PTCD3: variants seen among roughly 807,000 people sequenced by gnomAD.
The protein encoded by PTCD3 is pentatricopeptide repeat domain 3.
PTCD3 carries 89 observed loss-of-function variants against 101.9 expected under a neutral mutation model. The observed-to-expected ratio is 0.87, with a 90% CI of 0.74 to 1.04. The LOEUF (loss-of-function observed/expected upper bound fraction) is 1.04, where lower values mean the gene tolerates loss of function less well. Ranked by LOEUF, PTCD3 falls within the 50% of genes least tolerant of loss-of-function variation. PTCD3 has a pLI of 0.00. For missense variants in PTCD3, 870 were observed against 828.2 expected, an observed-to-expected ratio of 1.05 and a Z score of -0.62; for synonymous variants, 296 against 278.5, an observed-to-expected ratio of 1.06 and a Z score of -0.63.
chr2:86,116,537 C>T lies in PTCD3; in HGVS notation c.248C>T (p.Thr83Ile), dbSNP rs751475527. 3.7e-6 allele frequency: 6 copies of T among 1,607,992 alleles called. No individual in the cohort carries two copies. The East Asian group carries it at 1.1e-4, about 30-fold the overall frequency. The change falls in exon 5 of 24, where the codon ACA (threonine) becomes ATA (isoleucine). Residue 83 changes from threonine (T) to isoleucine (I), a missense_variant. Physicochemically the swap from Thr to Ile is moderately conservative, Grantham distance 89 (BLOSUM62 -1). Transcript: ENST00000254630. Reference protein sequence around the residue: ...ALASTVNRDTTAVPYVFQDDP... With the variant: ...ALASTVNRDTIAVPYVFQDDP... Reference sequence around the variant, plus strand: ...ATTATGTCTTTTCCACAGGATACCACAGCTGTGCCTTATGTGTTTCAAGAT... The same window carrying T: ...ATTATGTCTTTTCCACAGGATACCATAGCTGTGCCTTATGTGTTTCAAGAT...
In PTCD3 at chr2:86,106,360, C is replaced by CTAA. The variant is rs1403444863; in HGVS notation, c.104+9_104+10insTAA. The CTAA allele has an allele frequency of 6.2e-7, 1 of 1,612,084 alleles. No homozygotes were observed. The highest frequency in any genetic ancestry group is 8.5e-7 in the Non-Finnish European group (1 of 1,178,918). ...CAGGCACGCAGCTGCAGGTAAGAGA[C>CTAA]GCTTAGGGTATCCGCGAAGAAGACC... On this transcript the variant is annotated intron_variant, in intron 1 of 23. Coordinates refer to ENST00000254630, the MANE Select transcript of PTCD3 (RefSeq NM_017952.6).
intron 6 of PTCD3, 59 bp from the exon 7 acceptor site, chr2:86,118,862 A>G: frequency 1.9e-6 from 3 of 1,559,508 alleles, no homozygotes; most frequent in East Asian, 4.5e-5. Flanking sequence ...TGTCCTACTC[A>G]GTTATCCTTC....
chr2:86,106,407 G>T, intron 1 of PTCD3, 56 bp downstream of exon 1: 1 of 1,543,772 alleles, frequency 6.5e-7, no homozygotes, highest in Non-Finnish European at 8.9e-7. Context: ...TTAGTCCTAT[G>T]TTTCCCAGCT....
intron 3 of PTCD3, 119 bp downstream of exon 3, chr2:86,108,655 G>C: frequency 2.0e-6 from 2 of 1,009,408 alleles, no homozygotes; most frequent in Non-Finnish European, 2.8e-6. Flanking sequence ...CTTGAAGAGA[G>C]TAGCTGAGCG....
chr2:86,137,210 C>T (rs1674602717), intron 23 of PTCD3, 70 bp downstream of exon 23: 1 of 1,468,358 alleles, frequency 6.8e-7, no homozygotes, highest in Admixed American at 2.3e-5. Context: ...TCAAAATGTT[C>T]ATAGCTTTCT....
rs1167759517 is a variant in PTCD3 at position 86,137,699 on chromosome 2, C to T, written c.*140C>T. On this transcript the variant is annotated 3_prime_UTR_variant, in exon 24 of 24. Coordinates refer to ENST00000254630, the MANE Select transcript of PTCD3 (RefSeq NM_017952.6). ...TGAATTTGTTACTGTGAGGTACAGT[C>T]AGTACACAGCTGACTTATGTAGATT... The T allele has an allele frequency of 2.8e-5, 34 of 1,232,254 alleles. No individual in the cohort carries two copies. Among genetic ancestry groups the T allele is most frequent in the Non-Finnish European group, 3.8e-5 (34 of 889,102 alleles). 76.3% of individuals were successfully genotyped at this position (1,232,254 alleles called of 1,614,324 possible).
chr2:86,111,647 A>G (rs1057126016), intron 4 of PTCD3: 1 of 163,268 alleles, frequency 6.1e-6, no homozygotes, highest in Non-Finnish European at 1.3e-5. Flanking sequence ...TGATCCCAAC[A>G]CTTTTGGAGG....
At chr2:86,117,386 GCT>G (rs1422350732) in intron 6 of PTCD3, among the ~76,000 whole-genome samples, 1 of 151,052 alleles carries the variant, frequency 6.6e-6, no homozygotes, top group African/African-American at 2.4e-5. Context: ...GTGACACCAT[GCT>G]CTTAGGTCTT....
At chr2:86,121,674 T>C in intron 8 of PTCD3, 80 bp downstream of exon 8, 1 of 860,334 alleles carries the variant, frequency 1.2e-6, no homozygotes, top group Non-Finnish European at 1.8e-6. Flanking sequence ...AGATGGGTTG[T>C]TTTGCCATGT....
chr2:86,140,240 A>C lies in PTCD3; in HGVS notation c.*2681A>C, dbSNP rs749961308. 13 of 152,186 alleles carry C rather than the reference A, an allele frequency of 8.5e-5. No individual in the cohort carries two copies. The highest frequency in any genetic ancestry group is 1.6e-4 in the Non-Finnish European group (11 of 68,056). The allele number at this position is 152,186 out of a possible 1,614,324, so 9.4% of individuals were successfully genotyped here. A position where few individuals can be genotyped will look rare whatever the true frequency, so the allele number is the denominator to read the frequency against. On this transcript the variant is annotated 3_prime_UTR_variant, in exon 24 of 24. Coordinates refer to ENST00000254630, the MANE Select transcript of PTCD3 (RefSeq NM_017952.6). The stretch of plus-strand genomic sequence containing the variant: ...GCAACCTCAAAGCAAAAAAAAAAAA[A>C]AAAAAACCAGTTAGCTGCTATATAA...
chr2:86,137,547 T>C lies in PTCD3; in HGVS notation c.2058T>C (p.Ser686=), dbSNP rs1000930679. The C allele has an allele frequency of 3.7e-6, 6 of 1,605,624 alleles. No homozygotes were observed. Among genetic ancestry groups the C allele is most frequent in the Middle Eastern group, 1.7e-4 (1 of 6,052 alleles). ...DSSSDSDSDT[S]EGK is the part of the protein sequence containing the mutation. ...GCAGTGACAGCGACAGTGACACCAGTGAAGGCAAATGAAAGTGGAGATTCA... is the reference window on the plus strand; with the variant it reads ...GCAGTGACAGCGACAGTGACACCAGCGAAGGCAAATGAAAGTGGAGATTCA... Residue 686 remains serine (S), a synonymous_variant, in exon 24 of 24, where the codon AGT becomes AGC. Transcript: ENST00000254630.
intron 4 of PTCD3, among the ~76,000 whole-genome samples, chr2:86,114,902 A>G (rs1356084775): frequency 6.6e-6 from 1 of 152,216 alleles, no homozygotes; most frequent in East Asian, 1.9e-4. Flanking sequence ...AACACAGGAC[A>G]TGCTTAATTC....
chr2:86,125,429 A>G, intron 10 of PTCD3, 26 bp from the exon 11 acceptor site: 1 of 1,599,376 alleles, frequency 6.3e-7, no homozygotes, highest in Non-Finnish European at 8.6e-7. Context: ...AATGAATTTG[A>G]TGATGCTTAA....
chr2:86,122,698 CA>C (rs1674311779), intron 8 of PTCD3, among the ~76,000 whole-genome samples: 2 of 152,180 alleles, frequency 1.3e-5, no homozygotes, highest in Admixed American at 1.3e-4. Context: ...GATTACTGAC[CA>C]CTGCACCTGG....
intron 16 of PTCD3, among the ~76,000 whole-genome samples, chr2:86,131,778 C>T (rs548039401): frequency 6.6e-6 from 1 of 152,276 alleles, no homozygotes; most frequent in Non-Finnish European, 1.5e-5. Context: ...TAATTGTGGC[C>T]TTTGCCATTA....
chr2:86,121,670 G>A lies in PTCD3; in HGVS notation c.654+76G>A, dbSNP rs574778851. The stretch of plus-strand genomic sequence containing the variant: ...GAAATTGCTTTTAAAAATAAGATGG[G>A]TTGTTTTGCCATGTGTCAGGGTAGT... On this transcript the variant is annotated intron_variant, in intron 8 of 23. Coordinates refer to ENST00000254630, the MANE Select transcript of PTCD3 (RefSeq NM_017952.6). 4 of 926,756 alleles carry A rather than the reference G, an allele frequency of 4.3e-6. No homozygotes were observed. The African/African-American group carries it at 5.0e-5, about 12-fold the overall frequency. The allele number at this position is 926,756 out of a possible 1,614,324, so 57.4% of individuals were successfully genotyped here.
At chr2:86,118,745 C>A (rs1482443393) in intron 6 of PTCD3, among the ~76,000 whole-genome samples, 176 bp from the exon 7 acceptor site, 1 of 152,176 alleles carries the variant, frequency 6.6e-6, no homozygotes, top group Non-Finnish European at 1.5e-5. Context: ...AGGTTTAGTT[C>A]AATTCCCTGT....
In PTCD3 at chr2:86,121,468, C is replaced by T. The variant is rs756928793; in HGVS notation, c.539-11C>T. ...TCAAGGTTTCTTTATCTTTCTGTCT[C>T]TTACCCACAGGAACCACTGTGTCTC... On this transcript the variant is annotated splice_polypyrimidine_tract_variant and intron_variant, in intron 7 of 23. Transcript: ENST00000254630. The T allele has an allele frequency of 2.0e-6, 3 of 1,532,292 alleles. No individual in the cohort carries two copies. In the South Asian group the frequency reaches 3.6e-5, roughly 18 times the overall value. 94.9% of individuals were successfully genotyped at this position (1,532,292 alleles called of 1,614,324 possible).
intron 20 of PTCD3, 94 bp from the exon 21 acceptor site, chr2:86,134,745 C>T (rs1354357181): frequency 2.9e-6 from 4 of 1,368,806 alleles, no homozygotes; most frequent in Non-Finnish European, 4.1e-6. Context: ...TGGTAAAATG[C>T]ATTGCTCAGA....
Sources: gnomAD v4.1 joint callset for allele counts (sites outside exome capture counted in the v4.1 genomes callset) on GRCh38, gnomAD v4.1.1 for gene constraint, MANE v1.5 for transcripts, NCBI Gene and HGNC (gene_info 2026-07-23, HGNC 2026-07-21) for gene names.